ALG12: variants seen among roughly 807,000 people sequenced by gnomAD.
The protein encoded by ALG12 is ALG12 alpha-1,6-mannosyltransferase.
Under a neutral mutation model 46.0 loss-of-function variants are expected in ALG12, and 36 were observed. The observed-to-expected ratio is 0.78, with a 90% CI of 0.60 to 1.03. The LOEUF is 1.03. Ranked by LOEUF, ALG12 falls within the 50% of genes least tolerant of loss-of-function variation. ALG12 has a pLI of 0.00. For synonymous variants in ALG12, 326 were observed against 291.6 expected (o/e 1.12, Z -1.20); for missense variants, 599 against 633.5 (o/e 0.95, Z 0.58).
chr22:49,864,111 A>C, the ALG12 span, among the ~76,000 whole-genome samples: 1 of 152,184 alleles, frequency 6.6e-6, no homozygotes, highest in African/African-American at 2.4e-5. Context: ...ACAGGTGCTC[A>C]CTGCTGTTGG....
At chr22:49,865,453 C>T in the ALG12 span, among the ~76,000 whole-genome samples, 12 of 151,408 alleles carry the variant, frequency 7.9e-5, no homozygotes, top group Admixed American at 1.3e-4. Context: ...GTTCGAGACC[C>T]GCCTGGCCAA....
the ALG12 span, among the ~76,000 whole-genome samples, chr22:49,878,100 T>C: frequency 6.6e-6 from 1 of 152,018 alleles, no homozygotes; most frequent in Non-Finnish European, 1.5e-5. Context: ...AGGTCAGGAA[T>C]TCAAGACAAT....
downstream of ALG12, among the ~76,000 whole-genome samples, chr22:49,895,830 TTTAA>T (rs1352573415): frequency 2.0e-5 from 3 of 150,834 alleles, no homozygotes; most frequent in African/African-American, 7.5e-5. Context: ...TGTAGTGGAT[TTTAA>T]TTGAGTAGGA....
downstream of ALG12, among the ~76,000 whole-genome samples, chr22:49,895,991 A>G (rs1045592479): frequency 1.3e-5 from 2 of 152,206 alleles, no homozygotes; most frequent in African/African-American, 4.8e-5. Context: ...TCTGCTCAGC[A>G]CTGTGCCCCA....
chr22:49,866,792 AC>A, the ALG12 span, among the ~76,000 whole-genome samples: 1 of 152,178 alleles, frequency 6.6e-6, no homozygotes, highest in Non-Finnish European at 1.5e-5. Flanking sequence ...ATTACCACAA[AC>A]CGAGTGGCTT....
chr22:49,897,166 TAGTC>T (rs1185500480), downstream of ALG12, among the ~76,000 whole-genome samples: 3 of 152,234 alleles, frequency 2.0e-5, no homozygotes, highest in African/African-American at 7.2e-5. Context: ...TTCTATGGGC[TAGTC>T]ATTCACTTAT....
chr22:49,904,200 A>G lies in ALG12; in HGVS notation c.1217T>C (p.Leu406Pro). The G allele has an allele frequency of 6.2e-7, 1 of 1,614,200 alleles. No homozygotes were observed. ...AAAQTGVSRFLQVNSAWRYDK... is the reference protein window; with the variant it reads ...AAAQTGVSRFPQVNSAWRYDK... ...CTACCTCCAGGCGCTGTTGACTTGG[A>G]GAAACCGAGACACACCTGTCTGGGC... Residue 406 changes from leucine to proline, a missense_variant, in exon 9 of 10, where the codon CTC becomes CCC. Leu to Pro is a moderately conservative substitution (Grantham distance 98, BLOSUM62 -3). Coordinates refer to ENST00000330817, the MANE Select transcript of ALG12 (RefSeq NM_024105.4).
In ALG12 at chr22:49,905,279, G is replaced by A. The variant is rs1306712626; in HGVS notation, c.993-773C>T. ...CTTAACGGAAAAGCTTGCCAACCCT[G>A]GTCTAAACGCCCTGAACCCCCGATC... is the stretch of plus-strand genomic sequence containing the variant. On this transcript the variant is annotated intron_variant, in intron 7 of 9. Transcript: ENST00000330817. The surrounding 1 kb of genome is among the most constrained non-coding windows in gnomAD (Gnocchi z 4.9). Among the ~76,000 whole-genome samples, 1 of 152,116 alleles carries A rather than the reference G, an allele frequency of 6.6e-6. No homozygotes were observed. Among genetic ancestry groups the A allele is most frequent in the Admixed American group, 6.6e-5 (1 of 15,258 alleles).
At chr22:49,885,965 C>T in the ALG12 span, 5 of 710,248 alleles carry the variant, frequency 7.0e-6, no homozygotes, top group Admixed American at 4.5e-5. Context: ...CACTGCTCGG[C>T]GCTGTTGGAC....
At position 49,906,481 on chromosome 22, in the gene ALG12, G is replaced by A. The variant is rs901810508; in HGVS notation, c.992+1240C>T. Among the ~76,000 whole-genome samples the A allele has an allele frequency of 3.9e-5, 6 of 152,118 alleles. No individual in the cohort carries two copies. The highest frequency in any genetic ancestry group is 9.7e-5 in the African/African-American group (4 of 41,416). On this transcript the variant is annotated intron_variant, in intron 7 of 9. Coordinates refer to ENST00000330817, the MANE Select transcript of ALG12 (RefSeq NM_024105.4). The surrounding 1 kb of genome is among the most constrained non-coding windows in gnomAD (Gnocchi z 4.4). ...CACGGCAGCCGGAGGAACCCCCAGC[G>A]AGGAACAGTCACGGCAGCCAGAGGA...
the ALG12 span, among the ~76,000 whole-genome samples, chr22:49,861,477 A>G: frequency 6.6e-6 from 1 of 151,954 alleles, no homozygotes; most frequent in Non-Finnish European, 1.5e-5. Flanking sequence ...TCTGTTGCCC[A>G]GGCTGGAGTG....
At position 49,913,234 on chromosome 22, in the gene ALG12, G is replaced by T. The variant is rs12163447; in HGVS notation, c.295+151C>A. On this transcript the variant is annotated intron_variant, in intron 3 of 9. Transcript: ENST00000330817. The stretch of plus-strand genomic sequence containing the variant: ...CTCAGACGTCTTAGGCCTGACCTGA[G>T]CACCTGCTCTGAGCCGCCATGCCAC... The T allele has an allele frequency of 3.5e-4, 440 of 1,254,878 alleles. 4 individuals are homozygous for T. The East Asian group carries it at 7.3e-3, about 21-fold the overall frequency. 77.7% of individuals were successfully genotyped at this position (1,254,878 alleles called of 1,614,324 possible). A position where few individuals can be genotyped will look rare whatever the true frequency, so the allele number is the denominator to read the frequency against.
chr22:49,910,734 G>T (rs909020269), intron 3 of ALG12, 127 bp from the exon 4 acceptor site: 2 of 1,112,324 alleles, frequency 1.8e-6, no homozygotes, highest in East Asian at 4.8e-5. Flanking sequence ...GCCAGCTGAC[G>T]GCTACGTCAG....
At chr22:49,868,162 T>C in the ALG12 span, among the ~76,000 whole-genome samples, 1 of 152,328 alleles carries the variant, frequency 6.6e-6, no homozygotes, top group African/African-American at 2.4e-5. Context: ...AAAGACCTTG[T>C]CAGTCTTCTT....
the ALG12 span, chr22:49,885,598 G>C: frequency 6.2e-7 from 1 of 1,608,532 alleles, no homozygotes; most frequent in African/African-American, 1.3e-5. Flanking sequence ...TGACACCAAT[G>C]AGAAGTTTTA....
chr22:49,881,322 G>A, the ALG12 span, among the ~76,000 whole-genome samples: 5 of 152,394 alleles, frequency 3.3e-5, no homozygotes, highest in East Asian at 9.6e-4. Context: ...GCACACTGCA[G>A]CCTGGGCGAC....
chr22:49,886,218 C>T, the ALG12 span: 3 of 847,464 alleles, frequency 3.5e-6, no homozygotes, highest in Non-Finnish European at 5.8e-6. The surrounding 1 kb of genome is among the most constrained non-coding windows in gnomAD (Gnocchi z 7.7). Context: ...TGCTGAGCCT[C>T]GCCCGGAAGA....
the ALG12 span, among the ~76,000 whole-genome samples, chr22:49,873,113 G>C: frequency 6.6e-6 from 1 of 152,230 alleles, no homozygotes; most frequent in Non-Finnish European, 1.5e-5. Flanking sequence ...TTACAGACAT[G>C]AGCCACTACA....
chr22:49,882,015 TC>T, the ALG12 span, among the ~76,000 whole-genome samples: 1 of 152,298 alleles, frequency 6.6e-6, no homozygotes, highest in East Asian at 1.9e-4. Flanking sequence ...TAAGCCTGTT[TC>T]CCCAGCAGTA....
Sources: gnomAD v4.1 joint callset for allele counts (sites outside exome capture counted in the v4.1 genomes callset) on GRCh38, gnomAD v4.1.1 for gene constraint, Gnocchi (gnomAD v3.1) non-coding constraint, MANE v1.5 for transcripts, NCBI Gene and HGNC (gene_info 2026-07-23, HGNC 2026-07-21) for gene names.